Variants in ZNF827 observed in about 807,000 individuals in gnomAD.
The protein encoded by ZNF827 is zinc finger protein 827.
In ZNF827, 13 loss-of-function variants were observed where a neutral mutation model predicts 102.4. The ratio of observed to expected loss-of-function variants is 0.13; its 90% CI spans 0.08 to 0.20. ZNF827 has a LOEUF of 0.20. Among genes scored for constraint, ZNF827 ranks in the 10% least tolerant of loss-of-function variants. ZNF827 has a pLI of 1.00. For synonymous variants in ZNF827, 523 were observed against 536.2 expected, an observed-to-expected ratio of 0.98 and a Z score of 0.34; for missense variants, 1,103 against 1,344.4, an observed-to-expected ratio of 0.82 and a Z score of 2.81.
intron 5 of ZNF827, among the ~76,000 whole-genome samples, chr4:145,865,915 A>G (rs938252734): frequency 3.3e-5 from 5 of 152,202 alleles, no homozygotes; most frequent in African/African-American, 1.2e-4. Context: ...GTTGGGATTT[A>G]GGACTGGGAT....
chr4:145,881,475 T>G (rs1474099272), intron 4 of ZNF827, among the ~76,000 whole-genome samples: 1 of 152,222 alleles, frequency 6.6e-6, no homozygotes, highest in Admixed American at 6.5e-5. Context: ...ACAAGTGAAG[T>G]GCCAAGTTTC....
rs1262189137 is a variant in ZNF827 at position 145,867,452 on chromosome 4, C to T, written c.1981+2793G>A. 3.3e-5 allele frequency among the ~76,000 whole-genome samples: 5 copies of T among 152,294 alleles called. No individual in the cohort carries two copies. The South Asian group carries it at 6.2e-4, about 19-fold the overall frequency. ...CAAGTCTCCATCCTTAAGGAGTTAA[C>T]ATAAATTAATTTAAAACTGAAAATG... On this transcript the variant is annotated intron_variant, in intron 5 of 14. Coordinates refer to ENST00000508784, the MANE Select transcript of ZNF827 (RefSeq NM_001306215.2).
chr4:145,935,970 G>C (rs1754133261), intron 1 of ZNF827, among the ~76,000 whole-genome samples: 1 of 151,676 alleles, frequency 6.6e-6, no homozygotes, highest in Non-Finnish European at 1.5e-5. Context: ...CTCTAACCCC[G>C]CCAACATTTT....
chr4:145,834,867 C>T (rs1744643855), intron 7 of ZNF827: 1 of 152,212 alleles, frequency 6.6e-6, no homozygotes. Flanking sequence ...ACCTCGCCTT[C>T]AAGGTGTACA....
Position 145,935,450 on chromosome 4 carries a change from G to A in ZNF827, c.43+2915C>T, listed in dbSNP as rs147928283. Among the ~76,000 whole-genome samples, 609 of 152,294 alleles carry A rather than the reference G, an allele frequency of 4.0e-3. 6 individuals carry two copies. The highest frequency in any genetic ancestry group is 0.014 in the African/African-American group (577 of 41,552). ...ACACCATTTGCCCAGAAATTGCAAA[G>A]TCCAAACACAAACTGCTTTAAAAAC... On this transcript the variant is annotated intron_variant, in intron 1 of 14. Coordinates refer to ENST00000508784, the MANE Select transcript of ZNF827 (RefSeq NM_001306215.2).
intron 7 of ZNF827, among the ~76,000 whole-genome samples, chr4:145,833,699 TGTGCCCCAATCCCTTATTTCC>T (rs1744505001): frequency 6.6e-6 from 1 of 151,730 alleles, no homozygotes; most frequent in Non-Finnish European, 1.5e-5. Context: ...CTCGTATCTC[TGTGCCCCAATCCCTTATTTCC>T]GTGCCCCAAC....
chr4:145,787,427 A>G (rs1044718636), intron 8 of ZNF827, among the ~76,000 whole-genome samples: 1 of 144,516 alleles, frequency 6.9e-6, no homozygotes, highest in Admixed American at 7.3e-5. Flanking sequence ...ACGCCATTGC[A>G]CTCCAGCCCG....
In ZNF827 at chr4:145,902,145, T is replaced by C. The variant is rs763243834; in HGVS notation, c.1093+21A>G. 3 of 1,562,712 alleles carry C rather than the reference T, an allele frequency of 1.9e-6. No homozygotes were observed. Among genetic ancestry groups the C allele is most frequent in the African/African-American group, 1.4e-5 (1 of 72,738 alleles). ...ATAGTCTAAAGGACTTACACGATGA[T>C]TGAAAGAAAAGATGCCATACCTGAA... On this transcript the variant is annotated intron_variant, in intron 2 of 14. Coordinates refer to ENST00000508784, the MANE Select transcript of ZNF827 (RefSeq NM_001306215.2). This position sits in a 1 kb window ranked among gnomAD's most constrained non-coding sequence, Gnocchi z 4.3.
chr4:145,876,467 T>C (rs1230703723), intron 4 of ZNF827: 1 of 152,184 alleles, frequency 6.6e-6, no homozygotes, highest in African/African-American at 2.4e-5. Flanking sequence ...CTTTTGACCA[T>C]AGCTAATAGA....
chr4:145,925,296 T>G (rs1236535530), intron 1 of ZNF827, among the ~76,000 whole-genome samples: 1 of 152,200 alleles, frequency 6.6e-6, no homozygotes, highest in East Asian at 1.9e-4. Flanking sequence ...CATTTCTTCT[T>G]CTTGGAATGT....
chr4:145,859,060 C>A (rs1344855585), intron 5 of ZNF827, among the ~76,000 whole-genome samples: 1 of 152,152 alleles, frequency 6.6e-6, no homozygotes, highest in Non-Finnish European at 1.5e-5. Flanking sequence ...AAAGCCGTGA[C>A]TACTTCACTC....
chr4:145,881,856 T>C (rs1303955034), intron 4 of ZNF827, among the ~76,000 whole-genome samples: 6 of 152,200 alleles, frequency 3.9e-5, no homozygotes, highest in Non-Finnish European at 8.8e-5. Flanking sequence ...ATGAAAACCG[T>C]AGCTGTACCA....
chr4:145,882,275 T>G (rs564498633), intron 4 of ZNF827, among the ~76,000 whole-genome samples: 1 of 152,222 alleles, frequency 6.6e-6, no homozygotes, highest in South Asian at 2.1e-4. Flanking sequence ...CTCTCAGGTC[T>G]GCCTCAGTCT....
chr4:145,938,728 T>A lies in ZNF827; in HGVS notation c.-321A>T. On this transcript the variant is annotated 5_prime_UTR_variant, in exon 1 of 15. Transcript: ENST00000508784. ...TAGGTGTGAGTGTGTGTGTGTCCTA[T>A]GCTCGCGTGTGTGATGGGAGGTATA... is the stretch of plus-strand genomic sequence containing the variant. The A allele has an allele frequency of 3.1e-6, 1 of 317,618 alleles. No homozygotes were observed. The allele number at this position is 317,618 out of a possible 1,614,324, so 19.7% of individuals were successfully genotyped here.
At chr4:145,908,166 A>G (rs1387256912) in intron 1 of ZNF827, among the ~76,000 whole-genome samples, 1 of 152,234 alleles carries the variant, frequency 6.6e-6, no homozygotes, top group African/African-American at 2.4e-5. Flanking sequence ...AGTGAAAAAA[A>G]TATATAACAA....
At chr4:145,878,539 C>T (rs570572231) in intron 4 of ZNF827, among the ~76,000 whole-genome samples, 15 of 144,758 alleles carry the variant, frequency 1.0e-4, no homozygotes, top group Admixed American at 7.1e-4. Context: ...AAGACCTCAT[C>T]TCGAAAGAAA....
In ZNF827 at chr4:145,938,453, A is replaced by C. The variant is rs1283445825; in HGVS notation, c.-46T>G. The C allele has an allele frequency of 8.1e-6, 11 of 1,358,756 alleles. No homozygotes were observed. The Admixed American group carries it at 2.0e-4, about 24-fold the overall frequency. 84.2% of individuals were successfully genotyped at this position (1,358,756 alleles called of 1,614,324 possible). ...CTCCTCCTTGGTTAATGTGAGATCA[A>C]ATAAACCCCCGTGGGGGCAGAGAGG... is the stretch of plus-strand genomic sequence containing the variant. On this transcript the variant is annotated 5_prime_UTR_variant, in exon 1 of 15. In the 5' UTR this introduces an upstream ATG that the reference lacks. Coordinates refer to ENST00000508784, the MANE Select transcript of ZNF827 (RefSeq NM_001306215.2).
intron 7 of ZNF827, chr4:145,832,301 CCACACACACACACACACACACA>C (rs58517710): frequency 2.0e-5 from 3 of 147,786 alleles, no homozygotes; most frequent in Non-Finnish European, 3.0e-5. Flanking sequence ...CAAAACAAAA[CCACACACACACACACACACACA>C]CACACACACA....
rs981240406 is a variant in ZNF827 at position 145,760,828 on chromosome 4, T to C, written c.*788A>G. Reference sequence around the variant, plus strand: ...CAGTCCGAGATAGGCCAGGAAGGAGTGTTTGGGTGAGGGGATGCTGGGAGG... The same window carrying C: ...CAGTCCGAGATAGGCCAGGAAGGAGCGTTTGGGTGAGGGGATGCTGGGAGG... On this transcript the variant is annotated 3_prime_UTR_variant, in exon 15 of 15. Transcript: ENST00000508784. The C allele has an allele frequency of 2.5e-6, 3 of 1,177,214 alleles. No individual in the cohort carries two copies. In the Admixed American group the frequency reaches 1.1e-4, roughly 44 times the overall value. The allele number at this position is 1,177,214 out of a possible 1,614,324, so 72.9% of individuals were successfully genotyped here.
Sources: allele counts gnomAD v4.1 joint callset (sites outside exome capture counted in the v4.1 genomes callset), GRCh38; gene constraint gnomAD v4.1.1; non-coding constraint Gnocchi (gnomAD v3.1); transcripts MANE v1.5; gene names NCBI Gene and HGNC (gene_info 2026-07-23, HGNC 2026-07-21).